Variants in GABBR2 observed in about 807,000 individuals in gnomAD.
GABBR2 encodes the protein G-protein coupled receptor 51.
Under a neutral mutation model 105.6 loss-of-function variants are expected in GABBR2, and 23 were observed. That is an observed-to-expected ratio of 0.22 (90% CI 0.16 to 0.31). The LOEUF (loss-of-function observed/expected upper bound fraction) is 0.31. Ranked by LOEUF, GABBR2 falls within the 10% of genes least tolerant of loss-of-function variation. The probability of loss-of-function intolerance (pLI) is 1.00; values close to 1 mark genes in which losing one functional copy is unlikely to be tolerated. For missense variants in GABBR2, 734 were observed against 1,245.5 expected (o/e 0.59, Z 6.18); for synonymous variants, 478 against 499.7 (o/e 0.96, Z 0.58).
intron 8 of GABBR2, among the ~76,000 whole-genome samples, chr9:98,400,207 G>A (rs1442047973): frequency 1.8e-4 from 26 of 141,092 alleles, no homozygotes; most frequent in Middle Eastern, 3.6e-3. Flanking sequence ...AAAAAAAAAA[G>A]AAAAAAAGAA....
intron 1 of GABBR2, among the ~76,000 whole-genome samples, chr9:98,633,518 G>A (rs183422952): frequency 6.6e-6 from 1 of 151,480 alleles, no homozygotes; most frequent in African/African-American, 2.4e-5. Flanking sequence ...CCAGCTACTT[G>A]GGAGGCTGAG....
chr9:98,477,951 A>T (rs949829864), intron 5 of GABBR2, among the ~76,000 whole-genome samples: 1 of 152,134 alleles, frequency 6.6e-6, no homozygotes, highest in Non-Finnish European at 1.5e-5. Flanking sequence ...CAGAGATGTA[A>T]AGCGACCTGA....
chr9:98,573,248 G>A (rs972402343), intron 2 of GABBR2, among the ~76,000 whole-genome samples: 1 of 152,218 alleles, frequency 6.6e-6, no homozygotes, highest in Non-Finnish European at 1.5e-5. Flanking sequence ...TGATATGGAA[G>A]ACTGGCATAT....
chr9:98,467,052 A>C (rs1251115025), intron 6 of GABBR2, among the ~76,000 whole-genome samples: 1 of 152,188 alleles, frequency 6.6e-6, no homozygotes, highest in Non-Finnish European at 1.5e-5. Flanking sequence ...CCTTTAATAG[A>C]GCCTTTCTAG....
intron 1 of GABBR2, among the ~76,000 whole-genome samples, chr9:98,583,010 G>A (rs1003550377): frequency 7.9e-5 from 12 of 151,992 alleles, no homozygotes; most frequent in Admixed American, 3.3e-4. Flanking sequence ...AGACTCAACC[G>A]AAGAGAAGGT....
At chr9:98,535,793 C>A (rs988852506) in intron 3 of GABBR2, among the ~76,000 whole-genome samples, 1 of 152,072 alleles carries the variant, frequency 6.6e-6, no homozygotes, top group African/African-American at 2.4e-5. Context: ...GGCTACATTC[C>A]GTATGATTCC....
intron 2 of GABBR2, among the ~76,000 whole-genome samples, chr9:98,551,248 C>A (rs1041084059): frequency 2.6e-5 from 4 of 152,020 alleles, no homozygotes; most frequent in African/African-American, 9.7e-5. Context: ...ACTAAAAATA[C>A]AAAAATTAGC....
At chr9:98,438,112 C>T (rs372398427) in intron 7 of GABBR2, among the ~76,000 whole-genome samples, 2 of 148,936 alleles carry the variant, frequency 1.3e-5, no homozygotes, top group Non-Finnish European at 1.5e-5. Flanking sequence ...ATCCATCCAC[C>T]CATTTATCCA....
intron 1 of GABBR2, among the ~76,000 whole-genome samples, chr9:98,643,386 GC>G (rs1829993260): frequency 1.3e-5 from 2 of 152,346 alleles, no homozygotes; most frequent in South Asian, 4.1e-4. Context: ...ATACTCACGT[GC>G]CCACACAGGC....
At chr9:98,296,152 G>C (rs539466417) in intron 17 of GABBR2, among the ~76,000 whole-genome samples, 3 of 152,348 alleles carry the variant, frequency 2.0e-5, no homozygotes, top group African/African-American at 4.8e-5. Flanking sequence ...CGTGAAGGCG[G>C]AGCCCGCATG....
rs146338418 is a variant in GABBR2, at chr9:98,628,665, C to T, written c.322-50593G>A. On this transcript the variant is annotated intron_variant, in intron 1 of 18. Coordinates refer to ENST00000259455, the MANE Select transcript of GABBR2 (RefSeq NM_005458.8). ...TCTGTTGTCTGTGTGATCCAAACCA[C>T]ACCTGGAAATGGAACTTTCTCACCC... 8.5e-3 allele frequency among the ~76,000 whole-genome samples: 1,300 copies of T among 152,310 alleles called. 9 individuals are homozygous for T. The highest frequency in any genetic ancestry group is 0.02 in the Middle Eastern group (6 of 294).
At chr9:98,539,913 TAAA>T (rs746934812) in intron 3 of GABBR2, among the ~76,000 whole-genome samples, 92 of 103,694 alleles carry the variant, frequency 8.9e-4, no homozygotes, top group African/African-American at 1.7e-3. Context: ...AGACTTCGTC[TAAA>T]AAAAAAAAAA....
chr9:98,536,648 T>C (rs1188321002), intron 3 of GABBR2, among the ~76,000 whole-genome samples: 1 of 152,100 alleles, frequency 6.6e-6, no homozygotes, highest in Non-Finnish European at 1.5e-5. Context: ...TGCACCTCCA[T>C]GCCACAATGG....
At chr9:98,534,660 A>C (rs960390828) in intron 3 of GABBR2, among the ~76,000 whole-genome samples, 1 of 152,244 alleles carries the variant, frequency 6.6e-6, no homozygotes, top group African/African-American at 2.4e-5. Context: ...GGGTAATGCA[A>C]ATTAAAACAA....
chr9:98,483,735 C>T (rs1040474692), intron 4 of GABBR2, among the ~76,000 whole-genome samples: 1 of 152,168 alleles, frequency 6.6e-6, no homozygotes, highest in African/African-American at 2.4e-5. Flanking sequence ...GCTACTCACC[C>T]TTCCTACCTT....
chr9:98,530,166 G>A (rs1007959782), intron 3 of GABBR2, among the ~76,000 whole-genome samples: 1 of 152,256 alleles, frequency 6.6e-6, no homozygotes, highest in African/African-American at 2.4e-5. Context: ...GGTGGTAGGA[G>A]CAGCGTGAAG....
At chr9:98,695,553 C>A (rs572882169) in intron 1 of GABBR2, among the ~76,000 whole-genome samples, 1 of 152,318 alleles carries the variant, frequency 6.6e-6, no homozygotes, top group East Asian at 1.9e-4. Flanking sequence ...AACACACAGT[C>A]CCCCACTGAA....
chr9:98,661,461 C>T (rs1167596953), intron 1 of GABBR2, among the ~76,000 whole-genome samples: 2 of 151,970 alleles, frequency 1.3e-5, no homozygotes, highest in South Asian at 2.1e-4. Flanking sequence ...AGTGCAATGG[C>T]ACAATCTTGG....
intron 1 of GABBR2, among the ~76,000 whole-genome samples, chr9:98,689,390 G>C (rs1830658324): frequency 6.6e-6 from 1 of 152,226 alleles, no homozygotes; most frequent in African/African-American, 2.4e-5. Flanking sequence ...ACCTTGGTGA[G>C]AAGTAGATGA....
Sources: allele counts gnomAD v4.1 joint callset (sites outside exome capture counted in the v4.1 genomes callset), GRCh38; gene constraint gnomAD v4.1.1; transcripts MANE v1.5; gene names NCBI Gene and HGNC (gene_info 2026-07-23, HGNC 2026-07-21).